Variants in DDHD1 observed in about 807,000 individuals in gnomAD.
DDHD1 encodes DDHD domain containing 1, also known as phospholipase DDHD1.
Under a neutral mutation model 96.4 loss-of-function variants are expected in DDHD1, and 49 were observed. The ratio of observed to expected loss-of-function variants is 0.51; its 90% CI spans 0.40 to 0.64. The LOEUF is 0.64. DDHD1 is among the 30% of genes least tolerant of loss of function. DDHD1 has a pLI of 0.00. For synonymous variants in DDHD1, 442 were observed against 446.5 expected, an observed-to-expected ratio of 0.99 and a Z score of 0.13; for missense variants, 1,106 against 1,161.2, an observed-to-expected ratio of 0.95 and a Z score of 0.69.
At chr14:53,096,916 A>C (rs942346443) in intron 2 of DDHD1, among the ~76,000 whole-genome samples, 2 of 152,050 alleles carry the variant, frequency 1.3e-5, no homozygotes, top group South Asian at 2.1e-4. Context: ...TGTAAGCACT[A>C]AACAGACAAC....
chr14:53,144,993 T>C (rs1301210499), intron 1 of DDHD1, among the ~76,000 whole-genome samples: 1 of 151,834 alleles, frequency 6.6e-6, no homozygotes, highest in Non-Finnish European at 1.5e-5. Flanking sequence ...CCACTAAAAA[T>C]ATAAAACTTA....
At chr14:53,090,317 G>A (rs1886326759) in intron 4 of DDHD1, among the ~76,000 whole-genome samples, 1 of 152,200 alleles carries the variant, frequency 6.6e-6, no homozygotes, top group African/African-American at 2.4e-5. Context: ...ACAGTGTGGT[G>A]ATTCCTCAGG....
At chr14:53,094,048 G>A (rs894540734) in intron 2 of DDHD1, among the ~76,000 whole-genome samples, 1 of 152,080 alleles carries the variant, frequency 6.6e-6, no homozygotes, top group Admixed American at 6.6e-5. Context: ...GTGGTGGCGG[G>A]CGCCTGTAGT....
At chr14:53,062,225 TA>T (rs933757253) in intron 7 of DDHD1, among the ~76,000 whole-genome samples, 26 of 152,076 alleles carry the variant, frequency 1.7e-4, no homozygotes, top group Non-Finnish European at 2.5e-4. Context: ...AATAAGATTC[TA>T]AATGAAATCC....
At chr14:53,074,654 C>G (rs928743683) in intron 4 of DDHD1, among the ~76,000 whole-genome samples, 1 of 151,954 alleles carries the variant, frequency 6.6e-6, no homozygotes, top group Non-Finnish European at 1.5e-5. Flanking sequence ...AAATTCAGCT[C>G]TAAATACAAT....
chr14:53,117,228 G>A (rs1032998726), intron 1 of DDHD1, among the ~76,000 whole-genome samples: 18 of 151,604 alleles, frequency 1.2e-4, no homozygotes, highest in South Asian at 1.0e-3. Flanking sequence ...CAGTGAGATC[G>A]ACACAGAAGT....
At chr14:53,143,263 T>C (rs1890761007) in intron 1 of DDHD1, among the ~76,000 whole-genome samples, 1 of 152,120 alleles carries the variant, frequency 6.6e-6, no homozygotes, top group African/African-American at 2.4e-5. Flanking sequence ...CAGTAAGAAT[T>C]GAAATGGAGG....
intron 6 of DDHD1, among the ~76,000 whole-genome samples, chr14:53,064,500 T>A (rs1299018328): frequency 1.3e-5 from 2 of 152,080 alleles, no homozygotes; most frequent in Non-Finnish European, 2.9e-5. Flanking sequence ...TCAAAAATTT[T>A]AAAACATCTC....
At chr14:53,089,204 AG>A (rs1383346812) in intron 4 of DDHD1, among the ~76,000 whole-genome samples, 1 of 152,240 alleles carries the variant, frequency 6.6e-6, no homozygotes, top group Non-Finnish European at 1.5e-5. Flanking sequence ...GCTCATGAAT[AG>A]GAAGAATCAA....
At position 53,152,650 on chromosome 14, in the gene DDHD1, C is replaced by A; in HGVS notation, c.449G>T (p.Gly150Val). 6.2e-7 allele frequency: 1 copy of A among 1,613,120 alleles called. No homozygotes were observed. The highest frequency in any genetic ancestry group is 8.5e-7 in the Non-Finnish European group (1 of 1,179,862). ...CTCATAGCGGTGCCGGGCCGCCGGG[C>A]CGCCAAGCCGGGTACGTTTCCTTTC... ...PGERKRTRLGGPAARHRYEVV... is the reference protein window; with the variant it reads ...PGERKRTRLGVPAARHRYEVV... Residue 150 changes from glycine to valine, a missense_variant, in exon 1 of 13, where the codon GGC (glycine) becomes GTC (valine). By Grantham distance (109) the Gly-to-Val change is moderately radical. This residue lies in a region of DDHD1 where 456 missense variants were observed against 402.4 expected (regional missense o/e 1.13). Coordinates refer to ENST00000673822, the MANE Select transcript of DDHD1 (RefSeq NM_001160148.2).
intron 1 of DDHD1, among the ~76,000 whole-genome samples, chr14:53,124,207 C>T (rs1376086477): frequency 6.7e-6 from 1 of 150,312 alleles, no homozygotes; most frequent in Non-Finnish European, 1.5e-5. Context: ...TGCACTCCAG[C>T]CTGGGCGACA....
intron 2 of DDHD1, among the ~76,000 whole-genome samples, chr14:53,094,550 A>G (rs1018022749): frequency 3.3e-5 from 5 of 151,656 alleles, no homozygotes; most frequent in Non-Finnish European, 5.9e-5. Flanking sequence ...AAAGAAAACT[A>G]AAAAATTAGC....
intron 4 of DDHD1, among the ~76,000 whole-genome samples, chr14:53,082,744 G>C (rs189421861): frequency 6.2e-5 from 9 of 146,304 alleles, no homozygotes; most frequent in Admixed American, 6.1e-4. Context: ...GGGCGACAGA[G>C]TGAGACTCTA....
chr14:53,109,152 C>T (rs1457207631), intron 1 of DDHD1, among the ~76,000 whole-genome samples: 1 of 151,556 alleles, frequency 6.6e-6, no homozygotes, highest in Non-Finnish European at 1.5e-5. Flanking sequence ...CTAGAAGCCT[C>T]AATTTTATCC....
At chr14:53,095,796 T>C (rs1219064015) in intron 2 of DDHD1, among the ~76,000 whole-genome samples, 1 of 152,180 alleles carries the variant, frequency 6.6e-6, no homozygotes, top group Non-Finnish European at 1.5e-5. Flanking sequence ...TTAAAATAGT[T>C]GTGAGCAACA....
chr14:53,112,304 C>G (rs564193592), intron 1 of DDHD1, among the ~76,000 whole-genome samples: 1 of 152,032 alleles, frequency 6.6e-6, no homozygotes, highest in Admixed American at 6.6e-5. Context: ...GTAGTCCCAA[C>G]TACTTGGGAG....
chr14:53,083,702 G>C (rs1372696726), intron 4 of DDHD1, among the ~76,000 whole-genome samples: 1 of 152,212 alleles, frequency 6.6e-6, no homozygotes, highest in Non-Finnish European at 1.5e-5. Context: ...ATGAAGTTTT[G>C]TATAGGCCCG....
chr14:53,137,515 T>C (rs1386735200), intron 1 of DDHD1, among the ~76,000 whole-genome samples: 2 of 151,948 alleles, frequency 1.3e-5, no homozygotes, highest in Non-Finnish European at 2.9e-5. Flanking sequence ...TCACTTGAAC[T>C]TGGGAGGCAG....
intron 1 of DDHD1, among the ~76,000 whole-genome samples, chr14:53,147,377 AG>A (rs1182579680): frequency 6.6e-6 from 1 of 152,220 alleles, no homozygotes; most frequent in Non-Finnish European, 1.5e-5. Context: ...GGTGGTTGAC[AG>A]GGGTAAGAAA....
Sources: gnomAD v4.1 joint callset for allele counts (sites outside exome capture counted in the v4.1 genomes callset) on GRCh38, gnomAD v4.1.1 for gene constraint, gnomAD v4.1.1 regional missense constraint, MANE v1.5 for transcripts, NCBI Gene and HGNC (gene_info 2026-07-23, HGNC 2026-07-21) for gene names.